Variants in RPAP1 observed in about 807,000 individuals in gnomAD.
RPAP1 encodes RNA polymerase II associated protein 1, also known as RNA polymerase II-associated protein 1.
A neutral mutation model predicts 142.4 loss-of-function variants in RPAP1; 109 were observed. That is an observed-to-expected ratio of 0.77 (90% CI 0.66 to 0.90). The LOEUF (loss-of-function observed/expected upper bound fraction) is 0.90, where lower values mean the gene tolerates loss of function less well. Among genes scored for constraint, RPAP1 ranks in the 40% least tolerant of loss-of-function variants. The probability of loss-of-function intolerance (pLI) is 0.00; values close to 1 mark genes in which losing one functional copy is unlikely to be tolerated. For missense variants in RPAP1, 1,546 were observed against 1,751.7 expected (o/e 0.88, Z 2.10); for synonymous variants, 704 against 738.9 (o/e 0.95, Z 0.77).
At chr15:41,518,978 C>CCT (rs1413480716) in intron 22 of RPAP1, among the ~76,000 whole-genome samples, 21 of 152,216 alleles carry the variant, frequency 1.4e-4, no homozygotes, top group African/African-American at 5.1e-4. Context: ...GCAGCCTCAA[C>CCT]CTCCTGAGCT....
Position 41,520,633 on chromosome 15 carries a change from G to A in RPAP1, c.3553C>T (p.Gln1185Ter). Reference sequence around the variant, plus strand: ...GGCAAGACTTGAGGCTGACAGAGCTGGGCGAGGAGGGCTGCCACCAGATGC... The same window carrying A: ...GGCAAGACTTGAGGCTGACAGAGCTAGGCGAGGAGGGCTGCCACCAGATGC... ...VQHLVAALLA[Q>*]LCQPQVLPNL... Residue 1185 changes from glutamine (Q) to a stop codon, truncating the protein, a stop_gained, in exon 22 of 25, where the codon CAG becomes TAG. Transcript: ENST00000304330. LOFTEE classifies it high-confidence loss of function. 6.2e-7 allele frequency: 1 copy of A among 1,614,230 alleles called. No individual in the cohort carries two copies. Among genetic ancestry groups the A allele is most frequent in the Non-Finnish European group, 8.5e-7 (1 of 1,180,044 alleles).
rs755733466 is a variant in RPAP1 at position 41,528,264 on chromosome 15, G to A, written c.1231C>T (p.Leu411=). The A allele has an allele frequency of 5.3e-5, 86 of 1,608,786 alleles. No homozygotes were observed. The South Asian group carries it at 5.9e-4, about 11-fold the overall frequency. ...SQVSQQRALA[L]HVLAQVISRA... is the part of the protein sequence containing the mutation. Reference sequence around the variant, plus strand: ...CTGATGACCTGGGCTAACACATGCAGTGCCAGTGCTCTCTGCTGGGAAACC... The same window carrying A: ...CTGATGACCTGGGCTAACACATGCAATGCCAGTGCTCTCTGCTGGGAAACC... The change falls in exon 10 of 25, where the codon CTG becomes TTG. Residue 411 remains leucine (L), a synonymous_variant. Coordinates refer to ENST00000304330, the MANE Select transcript of RPAP1 (RefSeq NM_015540.4).
Position 41,520,945 on chromosome 15 carries a change from G to T in RPAP1, c.3241C>A (p.Leu1081Ile), listed in dbSNP as rs765454616. 2.3e-5 allele frequency: 37 copies of T among 1,611,880 alleles called. No individual in the cohort carries two copies. The highest frequency in any genetic ancestry group is 3.1e-5 in the Non-Finnish European group (36 of 1,179,062). Residue 1081 changes from leucine (L) to isoleucine (I), a missense_variant, in exon 22 of 25, where the codon CTA becomes ATA. Around this residue, in one of 3 missense-constraint regions of RPAP1, gnomAD observed 1,333 missense variants for 1,486.6 expected, o/e 0.90. Transcript: ENST00000304330. ...LASQALHRGE[L>I]QRVPTLLLPM... ...AGTAGCAGGGTTGGGACTCGCTGTA[G>T]CTCCCCTCGGTGCAGAGCCTGGGAG...
intron 23 of RPAP1, 54 bp downstream of exon 23, chr15:41,517,952 G>A (rs1332686666): frequency 5.0e-6 from 8 of 1,613,192 alleles, no homozygotes; most frequent in Non-Finnish European, 5.1e-6. Flanking sequence ...CTGGCCCAGA[G>A]GCAGCTCAAT....
intron 19 of RPAP1, 119 bp from the exon 20 acceptor site, chr15:41,522,369 C>T: frequency 1.1e-6 from 1 of 935,878 alleles, no homozygotes; most frequent in Non-Finnish European, 1.6e-6. Context: ...GCCTCCCTTC[C>T]CCATGGGACA....
At chr15:41,541,440 AAGC>A (rs2051971425) in intron 1 of RPAP1, among the ~76,000 whole-genome samples, 1 of 151,648 alleles carries the variant, frequency 6.6e-6, no homozygotes, top group Non-Finnish European at 1.5e-5. Flanking sequence ...AAAAAAAAAA[AAGC>A]AGGGAATAAA....
At chr15:41,542,919 TAAGG>T (rs139945843) in intron 1 of RPAP1, among the ~76,000 whole-genome samples, 9,818 of 152,176 alleles carry the variant, frequency 0.065, 532 homozygotes, top group East Asian at 0.34. Context: ...CCAAAGGCCC[TAAGG>T]AAGGCTGAAC....
rs1403290339 is a variant in RPAP1 at position 41,527,077 on chromosome 15, G to T, written c.1747-9C>A. On this transcript the variant is annotated splice_polypyrimidine_tract_variant and intron_variant, in intron 13 of 24. Coordinates refer to ENST00000304330, the MANE Select transcript of RPAP1 (RefSeq NM_015540.4). ...CGAGGGCACTCCAGGACCTATGGGAGACAGGAGGTAAAAGGGAGGAAGGGA... is the reference window on the plus strand; with the variant it reads ...CGAGGGCACTCCAGGACCTATGGGATACAGGAGGTAAAAGGGAGGAAGGGA... 1 of 1,613,368 alleles carries T rather than the reference G, an allele frequency of 6.2e-7. No individual in the cohort carries two copies. The highest frequency in any genetic ancestry group is 1.1e-5 in the South Asian group (1 of 91,058).
At position 41,537,026 on chromosome 15, in the gene RPAP1, TCACCAACTGCACTGCTGGGGCTG is replaced by T. The variant is rs2051918200; in HGVS notation, c.77_99del (p.Ala26GlufsTer5). The T allele has an allele frequency of 6.2e-7, 1 of 1,614,092 alleles. No homozygotes were observed. Among genetic ancestry groups the T allele is most frequent in the East Asian group, 2.2e-5 (1 of 44,854 alleles). On this transcript the variant is annotated frameshift_variant, in exon 2 of 25. Coordinates refer to ENST00000304330, the MANE Select transcript of RPAP1 (RefSeq NM_015540.4). LOFTEE classifies it high-confidence loss of function. The stretch of plus-strand genomic sequence containing the variant: ...TCACCACCGCCCCTATTTCCTTTCT[TCACCAACTGCACTGCTGGGGCTG>T]CACCAGCTGCGAGAAACTGACTCTG...
Position 41,520,373 on chromosome 15 carries a change from G to C in RPAP1, c.3795+18C>G, listed in dbSNP as rs201719581. 1 of 1,612,930 alleles carries C rather than the reference G, an allele frequency of 6.2e-7. No individual in the cohort carries two copies. Among genetic ancestry groups the C allele is most frequent in the Non-Finnish European group, 8.5e-7 (1 of 1,179,490 alleles). ...AGTGCAGGGTACCCTTGCAGGTCCTGCTGGGCTGAGAAAGTACCTGGGTCA... is the reference window on the plus strand; with the variant it reads ...AGTGCAGGGTACCCTTGCAGGTCCTCCTGGGCTGAGAAAGTACCTGGGTCA... On this transcript the variant is annotated intron_variant, in intron 22 of 24. Coordinates refer to ENST00000304330, the MANE Select transcript of RPAP1 (RefSeq NM_015540.4).
Position 41,527,281 on chromosome 15 carries a change from C to G in RPAP1, c.1632G>C (p.Leu544=). The G allele has an allele frequency of 6.2e-7, 1 of 1,614,172 alleles. No individual in the cohort carries two copies. Residue 544 remains leucine, a synonymous_variant, in exon 13 of 25, where the codon CTG becomes CTC. Transcript: ENST00000304330. The part of the protein sequence containing the change: ...DVIKGLLATS[L]LPRLRYVLEV... The stretch of plus-strand genomic sequence containing the variant: ...CCAGCACGTAGCGCAGCCGAGGCAG[C>G]AGGCTGGTAGCCAGGAGCCCCTGGG...
At chr15:41,527,126 A>G (rs1196846450) in intron 13 of RPAP1, 41 bp downstream of exon 13, 1 of 1,613,670 alleles carries the variant, frequency 6.2e-7, no homozygotes, top group Admixed American at 1.7e-5. Flanking sequence ...GACAAGGCCC[A>G]GCTAGGCTTT....
chr15:41,524,072 C>T (rs373394008), intron 16 of RPAP1, 24 bp downstream of exon 16: 17 of 1,592,736 alleles, frequency 1.1e-5, no homozygotes, highest in Non-Finnish European at 8.6e-7. Flanking sequence ...TCCACCTGTC[C>T]TGTGGGTCCT....
chr15:41,538,422 T>C (rs145487609), intron 1 of RPAP1, among the ~76,000 whole-genome samples: 52 of 152,202 alleles, frequency 3.4e-4, no homozygotes, highest in African/African-American at 1.2e-3. Context: ...AGAAACAGAA[T>C]CTCAAGTTAG....
chr15:41,526,170 G>A (rs1420245596), intron 14 of RPAP1, among the ~76,000 whole-genome samples: 1 of 152,100 alleles, frequency 6.6e-6, no homozygotes, highest in African/African-American at 2.4e-5. Context: ...GGCTGGTCTC[G>A]AACTCCTGAC....
chr15:41,525,201 G>C, intron 14 of RPAP1, 53 bp from the exon 15 acceptor site: 1 of 1,506,902 alleles, frequency 6.6e-7, no homozygotes, highest in Middle Eastern at 1.8e-4. Flanking sequence ...CTCAAGTCCA[G>C]CTACTCTCAG....
intron 7 of RPAP1, among the ~76,000 whole-genome samples, chr15:41,530,546 T>C (rs2051837125): frequency 6.6e-6 from 1 of 152,214 alleles, no homozygotes. Context: ...AATGAAATAA[T>C]CTAGTTTCTG....
In RPAP1 at chr15:41,522,053, G is replaced by A. The variant is rs150195813; in HGVS notation, c.2895+45C>T. On this transcript the variant is annotated intron_variant, in intron 20 of 24. Transcript: ENST00000304330. ...GGCTGGGTTCCACAGAAACAGGAAG[G>A]AGATAATGGGATGACAGGAGAACCT... 4.2e-5 allele frequency: 68 copies of A among 1,603,238 alleles called. No homozygotes were observed. The African/African-American group carries it at 8.1e-4, about 19-fold the overall frequency.
chr15:41,536,071 G>T, intron 4 of RPAP1, 58 bp downstream of exon 4: 1 of 1,259,710 alleles, frequency 7.9e-7, no homozygotes, highest in Non-Finnish European at 1.2e-6. Flanking sequence ...TGGAGAAGAT[G>T]CACTATGAGA....
Sources: allele counts gnomAD v4.1 joint callset (sites outside exome capture counted in the v4.1 genomes callset), GRCh38; gene constraint gnomAD v4.1.1; regional missense constraint gnomAD v4.1.1; transcripts MANE v1.5; gene names NCBI Gene and HGNC (gene_info 2026-07-23, HGNC 2026-07-21).